ARHGAP18: variants seen among roughly 807,000 people sequenced by gnomAD.
The protein encoded by ARHGAP18 is Rho GTPase activating protein 18.
ARHGAP18 carries 67 observed loss-of-function variants against 86.2 expected under a neutral mutation model. That is an observed-to-expected ratio of 0.78 (90% CI 0.64 to 0.95). The LOEUF (loss-of-function observed/expected upper bound fraction) is 0.95. Among genes scored for constraint, ARHGAP18 ranks in the 40% least tolerant of loss-of-function variants. ARHGAP18 has a pLI of 0.00. For missense variants in ARHGAP18, 691 were observed against 780.4 expected (o/e 0.89, Z 1.37); for synonymous variants, 283 against 280.4 (o/e 1.01, Z -0.09).
chr6:129,678,373 T>C (rs1290948404), intron 1 of ARHGAP18, among the ~76,000 whole-genome samples: 1 of 152,208 alleles, frequency 6.6e-6, no homozygotes, highest in East Asian at 1.9e-4. Context: ...AGAAAAGCTG[T>C]ACAGGCAAAA....
At chr6:129,691,603 C>T (rs1166595498) in intron 1 of ARHGAP18, among the ~76,000 whole-genome samples, 4 of 151,992 alleles carry the variant, frequency 2.6e-5, no homozygotes, top group Non-Finnish European at 5.9e-5. Context: ...TGTATTCGAG[C>T]GCTATCAATT....
chr6:129,688,867 G>A (rs1774478610), intron 1 of ARHGAP18, among the ~76,000 whole-genome samples: 1 of 152,006 alleles, frequency 6.6e-6, no homozygotes, highest in South Asian at 2.1e-4. Flanking sequence ...TGCTACCAGT[G>A]ACAATGATTC....
At chr6:129,621,422 A>T (rs1275604182) in intron 5 of ARHGAP18, among the ~76,000 whole-genome samples, 2 of 152,206 alleles carry the variant, frequency 1.3e-5, no homozygotes, top group African/African-American at 4.8e-5. Context: ...GACATCACTG[A>T]AGATGGGGCC....
At chr6:129,667,450 T>C (rs941610111) in intron 1 of ARHGAP18, among the ~76,000 whole-genome samples, 1 of 147,632 alleles carries the variant, frequency 6.8e-6, no homozygotes, top group African/African-American at 2.5e-5. Flanking sequence ...ACCAGGTCTA[T>C]ATCAAAAGAA....
Position 129,649,064 on chromosome 6 carries a change from C to T in ARHGAP18, c.114-7046G>A, listed in dbSNP as rs554827024. Among the ~76,000 whole-genome samples, 10 of 152,272 alleles carry T rather than the reference C, an allele frequency of 6.6e-5. No individual in the cohort carries two copies. In the East Asian group the frequency reaches 1.4e-3, roughly 21 times the overall value. ...GATTAGAAAGCAATACCACATCACT[C>T]GCCCCACACACACCCATGCAACCAT... On this transcript the variant is annotated intron_variant, in intron 1 of 14. Transcript: ENST00000368149.
intron 13 of ARHGAP18, among the ~76,000 whole-genome samples, chr6:129,580,744 G>A (rs1788271100): frequency 6.6e-6 from 1 of 152,104 alleles, no homozygotes; most frequent in African/African-American, 2.4e-5. Flanking sequence ...GCATGGTGGT[G>A]AGTGTCTGTG....
chr6:129,592,101 T>A (rs200119668), intron 12 of ARHGAP18, among the ~76,000 whole-genome samples: 1 of 130,284 alleles, frequency 7.7e-6, no homozygotes, highest in Non-Finnish European at 1.7e-5. Flanking sequence ...AGTTCTAATA[T>A]TTTTTTTTAA....
intron 4 of ARHGAP18, among the ~76,000 whole-genome samples, chr6:129,632,054 T>C (rs1773230459): frequency 6.6e-6 from 1 of 152,202 alleles, no homozygotes. Context: ...GGAAAACATT[T>C]AAAAGAGACT....
intron 1 of ARHGAP18, among the ~76,000 whole-genome samples, chr6:129,669,790 A>AT (rs1008823173): frequency 1.6e-4 from 25 of 152,090 alleles, no homozygotes; most frequent in Admixed American, 3.3e-4. Flanking sequence ...CTCAAAAAAA[A>AT]AAATAAATAA....
rs114758076 is a variant in ARHGAP18 at position 129,678,605 on chromosome 6, A to C, written c.113+31419T>G. Among the ~76,000 whole-genome samples the C allele has an allele frequency of 2.9e-3, 439 of 152,292 alleles. 1 individual carries two copies. The highest frequency in any genetic ancestry group is 0.01 in the African/African-American group (432 of 41,570). ...AATGGTACAGTGCAGTGGTTCTCAA[A>C]CTTGCCTGCACATTAGAATCACCTG... On this transcript the variant is annotated intron_variant, in intron 1 of 14. Coordinates refer to ENST00000368149, the MANE Select transcript of ARHGAP18 (RefSeq NM_033515.3).
chr6:129,657,871 G>C (rs1193062562), intron 1 of ARHGAP18, among the ~76,000 whole-genome samples: 1 of 152,174 alleles, frequency 6.6e-6, no homozygotes, highest in Non-Finnish European at 1.5e-5. Context: ...ACATTTATTA[G>C]CTGCCTCCTA....
intron 1 of ARHGAP18, among the ~76,000 whole-genome samples, chr6:129,703,266 G>A (rs1320410462): frequency 6.6e-6 from 1 of 152,226 alleles, no homozygotes; most frequent in African/African-American, 2.4e-5. Context: ...CACCCATGCA[G>A]TCCAGTAGCA....
chr6:129,638,598 C>T lies in ARHGAP18; in HGVS notation c.348G>A (p.Glu116=). The change falls in exon 3 of 15, where the codon GAG becomes GAA. Residue 116 remains glutamate, a synonymous_variant. Coordinates refer to ENST00000368149, the MANE Select transcript of ARHGAP18 (RefSeq NM_033515.3). ...EGELEEEWLK[E]AGLSNLFGES... ...CTCCGAAGAGATTGGATAAACCGGCCTCTTTAAGCCACTCTTCTTCCAATT... is the reference window on the plus strand; with the variant it reads ...CTCCGAAGAGATTGGATAAACCGGCTTCTTTAAGCCACTCTTCTTCCAATT... 1.2e-6 allele frequency: 2 copies of T among 1,614,076 alleles called. No homozygotes were observed. Among genetic ancestry groups the T allele is most frequent in the Middle Eastern group, 1.6e-4 (1 of 6,062 alleles).
At position 129,577,705 on chromosome 6, in the gene ARHGAP18, T is replaced by C. The variant is rs1428998950; in HGVS notation, c.*808A>G. Reference sequence around the variant, plus strand: ...GTAAAGCCAGCTATGACTTTTAAAATTCCATTTAGAAGAGTACAGTAGACA... The same window carrying C: ...GTAAAGCCAGCTATGACTTTTAAAACTCCATTTAGAAGAGTACAGTAGACA... On this transcript the variant is annotated 3_prime_UTR_variant, in exon 15 of 15. Transcript: ENST00000368149. The C allele has an allele frequency of 6.6e-6, 1 of 152,182 alleles. No homozygotes were observed. Among genetic ancestry groups the C allele is most frequent in the Non-Finnish European group, 1.5e-5 (1 of 68,006 alleles). 9.4% of individuals were successfully genotyped at this position (152,182 alleles called of 1,614,324 possible). A position where few individuals can be genotyped will look rare whatever the true frequency, so the allele number is the denominator to read the frequency against.
chr6:129,678,074 G>A (rs1293620661), intron 1 of ARHGAP18, among the ~76,000 whole-genome samples: 3 of 152,168 alleles, frequency 2.0e-5, no homozygotes, highest in Non-Finnish European at 2.9e-5. Flanking sequence ...TGTCCTTGTT[G>A]TTGTCAGATA....
intron 7 of ARHGAP18, among the ~76,000 whole-genome samples, chr6:129,613,102 A>T (rs1389944688): frequency 6.6e-6 from 1 of 151,970 alleles, no homozygotes; most frequent in Non-Finnish European, 1.5e-5. Context: ...GCGTGGTGGC[A>T]GGTGCCTGTG....
chr6:129,644,235 A>G (rs1439034239), intron 1 of ARHGAP18, among the ~76,000 whole-genome samples: 1 of 152,006 alleles, frequency 6.6e-6, no homozygotes, highest in African/African-American at 2.4e-5. Context: ...CCTGGCCTCA[A>G]TCGTCCTGTT....
At chr6:129,626,248 G>C (rs1287881175) in intron 5 of ARHGAP18, among the ~76,000 whole-genome samples, 1 of 151,348 alleles carries the variant, frequency 6.6e-6, no homozygotes, top group African/African-American at 2.4e-5. Flanking sequence ...ACTATGGTAT[G>C]ATTTCCACAA....
In ARHGAP18 at chr6:129,687,789, ATT is replaced by A. The variant is rs5879961; in HGVS notation, c.113+22233_113+22234del. 3.3e-5 allele frequency among the ~76,000 whole-genome samples: 5 copies of A among 151,532 alleles called. No homozygotes were observed. In the South Asian group the frequency reaches 1.0e-3, roughly 32 times the overall value. ...ATAAGAAGTTCAATAGTAACCAAAC[ATT>A]TTTTTTTAAGTTATTTCCAGTGGGC... On this transcript the variant is annotated intron_variant, in intron 1 of 14. Coordinates refer to ENST00000368149, the MANE Select transcript of ARHGAP18 (RefSeq NM_033515.3).
Sources: allele counts gnomAD v4.1 joint callset (sites outside exome capture counted in the v4.1 genomes callset), GRCh38; gene constraint gnomAD v4.1.1; transcripts MANE v1.5; gene names NCBI Gene and HGNC (gene_info 2026-07-23, HGNC 2026-07-21).